PRPF39: variants seen among roughly 807,000 people sequenced by gnomAD.
PRPF39 encodes pre-mRNA processing factor 39.
In PRPF39, 27 loss-of-function variants were observed where a neutral mutation model predicts 82.1. The observed-to-expected ratio is 0.33, with a 90% CI of 0.24 to 0.45. PRPF39 has a LOEUF of 0.45. PRPF39 is among the 20% of genes least tolerant of loss of function. The pLI, the probability that PRPF39 is intolerant of heterozygous loss-of-function variation, is 1.00. For missense variants in PRPF39, 581 were observed against 796.9 expected, an observed-to-expected ratio of 0.73 and a Z score of 3.26; for synonymous variants, 261 against 256.4, an observed-to-expected ratio of 1.02 and a Z score of -0.17.
chr14:45,107,415 G>T, intron 5 of PRPF39, 36 bp from the exon 6 acceptor site: 1 of 1,411,828 alleles, frequency 7.1e-7, no homozygotes, highest in South Asian at 1.3e-5. Flanking sequence ...CTAAAATTAT[G>T]ATTCAAATAC....
In PRPF39 at chr14:45,112,398, T is replaced by G. The variant is rs1360553753; in HGVS notation, c.1653T>G (p.Asn551Lys). 6.3e-7 allele frequency: 1 copy of G among 1,580,732 alleles called. No homozygotes were observed. ...AACAAAATGAAGAAAATATCCTAAA[T>G]TGTTTTGACAAAGCTGTACATGGTT... is the stretch of plus-strand genomic sequence containing the variant. ...DLKQNEENIL[N>K]CFDKAVHGSL... The change falls in exon 11 of 14, where the codon AAT becomes AAG. Residue 551 changes from asparagine to lysine, a missense_variant. By Grantham distance (94) the Asn-to-Lys change is moderately conservative. Transcript: ENST00000355765.
Position 45,108,523 on chromosome 14 carries a change from G to A in PRPF39, c.1011+1G>A. 6.3e-7 allele frequency: 1 copy of A among 1,582,384 alleles called. No homozygotes were observed. The highest frequency in any genetic ancestry group is 8.5e-7 in the Non-Finnish European group (1 of 1,171,792). On this transcript the variant is annotated splice_donor_variant, in intron 7 of 13. Transcript: ENST00000355765. LOFTEE classifies it high-confidence loss of function. ...TAAAAGGTGGACATTTGAAGAAGGT[G>A]TAAGTGTTTTTGTTTTGTAATAGTC...
At position 45,115,132 on chromosome 14, in the gene PRPF39, A is replaced by C; in HGVS notation, c.*219A>C. The C allele has an allele frequency of 2.9e-6, 1 of 344,356 alleles. No homozygotes were observed. 21.3% of individuals were successfully genotyped at this position (344,356 alleles called of 1,614,324 possible). On this transcript the variant is annotated 3_prime_UTR_variant, in exon 14 of 14. Coordinates refer to ENST00000355765, the MANE Select transcript of PRPF39 (RefSeq NM_017922.4). The stretch of plus-strand genomic sequence containing the variant: ...TATAAAATTTACTTTTTATTGAAAA[A>C]CTATTTTTTGATTTTTGCATTAAGT...
chr14:45,088,139 G>A (rs1883903282), intron 1 of PRPF39: 1 of 154,852 alleles, frequency 6.5e-6, no homozygotes, highest in African/African-American at 2.4e-5. Context: ...AATGTGTTAT[G>A]TGCTATGGAG....
rs1884658874 is a variant in PRPF39 at position 45,110,160 on chromosome 14, A to G, written c.1243A>G (p.Ile415Val). ...GCATGTCTTCAGCAGAGCTTGTACT[A>G]TACATCTCCCAAAGAAACCCATGGT... ...VRHVFSRACT[I>V]HLPKKPMVHM... Residue 415 changes from isoleucine to valine, a missense_variant, in exon 9 of 14, where the codon ATA becomes GTA. By Grantham distance (29) the Ile-to-Val change is conservative. Transcript: ENST00000355765. The surrounding 1 kb of genome is among the most constrained non-coding windows in gnomAD (Gnocchi z 4.0). The G allele has an allele frequency of 6.2e-7, 1 of 1,613,692 alleles. No individual in the cohort carries two copies. The highest frequency in any genetic ancestry group is 8.5e-7 in the Non-Finnish European group (1 of 1,179,668).
intron 5 of PRPF39, among the ~76,000 whole-genome samples, chr14:45,105,191 A>G (rs928926169): frequency 1.3e-5 from 2 of 152,208 alleles, no homozygotes; most frequent in African/African-American, 2.4e-5. Flanking sequence ...CTGAAAAAAT[A>G]CTGCTTAATA....
At chr14:45,091,106 A>G (rs1204390158) in intron 1 of PRPF39, among the ~76,000 whole-genome samples, 2 of 150,486 alleles carry the variant, frequency 1.3e-5, no homozygotes, top group Non-Finnish European at 3.0e-5. Flanking sequence ...CAGGCTTAGG[A>G]AAAAAATGGT....
At position 45,096,245 on chromosome 14, in the gene PRPF39, A is replaced by T. The variant is rs1471824295; in HGVS notation, c.450+17A>T. On this transcript the variant is annotated intron_variant, in intron 3 of 13. Transcript: ENST00000355765. ...TCAGATGAGGTGCGTACATCACTGA[A>T]TAAACTTATCTCCAATAGGTACTGT... 5.1e-6 allele frequency: 8 copies of T among 1,578,056 alleles called. No individual in the cohort carries two copies. The highest frequency in any genetic ancestry group is 1.7e-4 in the Middle Eastern group (1 of 6,002).
intron 4 of PRPF39, among the ~76,000 whole-genome samples, chr14:45,098,461 A>G (rs79989854): frequency 1.7e-4 from 25 of 151,088 alleles, no homozygotes; most frequent in East Asian, 5.8e-4. Flanking sequence ...AAAAAAAAAA[A>G]AGAGAGAGAG....
intron 8 of PRPF39, 125 bp from the exon 9 acceptor site, chr14:45,109,969 A>C: frequency 6.4e-7 from 1 of 1,556,244 alleles, no homozygotes; most frequent in Non-Finnish European, 8.6e-7. Context: ...TTCCTTACAG[A>C]AACTAGTCTA....
intron 1 of PRPF39, among the ~76,000 whole-genome samples, chr14:45,090,819 A>G (rs1207751098): frequency 1.3e-5 from 2 of 152,128 alleles, no homozygotes; most frequent in Admixed American, 1.3e-4. Flanking sequence ...TTACACTTAT[A>G]TGTCACTACG....
At chr14:45,084,703 T>TA (rs966768496) in intron 1 of PRPF39, among the ~76,000 whole-genome samples, 1 of 152,164 alleles carries the variant, frequency 6.6e-6, no homozygotes, top group African/African-American at 2.4e-5. Context: ...TCTGACTACA[T>TA]AAGCAACACT....
At chr14:45,100,954 G>A (rs528847655) in intron 4 of PRPF39, among the ~76,000 whole-genome samples, 3 of 151,880 alleles carry the variant, frequency 2.0e-5, no homozygotes, top group South Asian at 2.1e-4. Context: ...TCTATCTGTC[G>A]TGAGATAGAC....
intron 1 of PRPF39, among the ~76,000 whole-genome samples, chr14:45,088,035 G>T (rs1883898985): frequency 6.6e-6 from 1 of 152,084 alleles, no homozygotes; most frequent in South Asian, 2.1e-4. Flanking sequence ...TAGGCCTCCA[G>T]GTGTACTGTA....
intron 5 of PRPF39, among the ~76,000 whole-genome samples, chr14:45,104,373 T>TA (rs2139055952): frequency 6.6e-6 from 1 of 152,288 alleles, no homozygotes; most frequent in East Asian, 1.9e-4. Context: ...ATGCAGTTCT[T>TA]ATAGTTTATA....
chr14:45,111,999 T>A (rs1280001758), intron 10 of PRPF39, among the ~76,000 whole-genome samples: 1 of 152,146 alleles, frequency 6.6e-6, no homozygotes, highest in African/African-American at 2.4e-5. Context: ...GATTTTTTTT[T>A]ATGTTTTGTT....
chr14:45,086,057 C>T (rs1883818708), intron 1 of PRPF39, among the ~76,000 whole-genome samples: 3 of 152,136 alleles, frequency 2.0e-5, no homozygotes, highest in Admixed American at 2.0e-4. Context: ...CATTCTTCTG[C>T]CTCAGCCTCC....
At chr14:45,104,673 T>C (rs1294255995) in intron 5 of PRPF39, among the ~76,000 whole-genome samples, 1 of 152,202 alleles carries the variant, frequency 6.6e-6, no homozygotes, top group Non-Finnish European at 1.5e-5. Context: ...GCTTGTACCA[T>C]TGGATGTACC....
At chr14:45,099,332 A>G (rs1196420577) in intron 4 of PRPF39, among the ~76,000 whole-genome samples, 1 of 151,738 alleles carries the variant, frequency 6.6e-6, no homozygotes, top group Admixed American at 6.6e-5. Context: ...CTCTTCTTTT[A>G]ATTACTGAGT....
Sources: allele counts gnomAD v4.1 joint callset (sites outside exome capture counted in the v4.1 genomes callset), GRCh38; gene constraint gnomAD v4.1.1; non-coding constraint Gnocchi (gnomAD v3.1); transcripts MANE v1.5; gene names NCBI Gene and HGNC (gene_info 2026-07-23, HGNC 2026-07-21).